Variants in FBXO45 observed in about 807,000 individuals in gnomAD.
FBXO45 encodes the protein F-box/SPRY domain-containing protein 1.
FBXO45 carries 3 observed loss-of-function variants against 25.5 expected under a neutral mutation model. The observed-to-expected ratio is 0.12, with a 90% CI of 0.05 to 0.30. The LOEUF (loss-of-function observed/expected upper bound fraction) is 0.30. Ranked by LOEUF, FBXO45 falls within the 10% of genes least tolerant of loss-of-function variation. FBXO45 has a pLI of 1.00. For synonymous variants in FBXO45, 155 were observed against 149.8 expected, an observed-to-expected ratio of 1.03 and a Z score of -0.25; for missense variants, 219 against 365.0, an observed-to-expected ratio of 0.60 and a Z score of 3.26.
intron 1 of FBXO45, among the ~76,000 whole-genome samples, chr3:196,574,584 G>A (rs931913787): frequency 5.3e-5 from 8 of 152,150 alleles, no homozygotes; most frequent in Non-Finnish European, 1.0e-4. Flanking sequence ...TTATCATCGT[G>A]TTGCTTGACA....
At chr3:196,579,951 A>C (rs927433440) in intron 2 of FBXO45, among the ~76,000 whole-genome samples, 3 of 151,342 alleles carry the variant, frequency 2.0e-5, no homozygotes, top group Non-Finnish European at 2.9e-5. Flanking sequence ...CCTACACAGC[A>C]CATAGTTGGA....
rs937749873 is a variant in FBXO45, at chr3:196,573,950, T to TTG, written c.319-3502_319-3501insGT. 2.7e-5 allele frequency among the ~76,000 whole-genome samples: 4 copies of TTG among 150,328 alleles called. 1 individual carries two copies. Among genetic ancestry groups the TTG allele is most frequent in the African/African-American group, 7.3e-5 (3 of 40,834 alleles). The stretch of plus-strand genomic sequence containing the variant: ...GGTCTTTATTTTCCTTTTTTTTTTT[T>TTG]TTTTTGAGACAGAGTCTTGCTCTGT... On this transcript the variant is annotated intron_variant, in intron 1 of 2. Coordinates refer to ENST00000311630, the MANE Select transcript of FBXO45 (RefSeq NM_001105573.2).
At position 196,584,659 on chromosome 3, in the gene FBXO45, T is replaced by C. The variant is rs1158711313; in HGVS notation, c.*341T>C. 5.8e-6 allele frequency: 1 copy of C among 172,382 alleles called. No homozygotes were observed. Among genetic ancestry groups the C allele is most frequent in the Non-Finnish European group, 1.2e-5 (1 of 82,090 alleles). 10.7% of individuals were successfully genotyped at this position (172,382 alleles called of 1,614,324 possible). A position where few individuals can be genotyped will look rare whatever the true frequency, so the allele number is the denominator to read the frequency against. ...AGGAAATAGCAAGATTTTTAAGTAGTGTGTTTGTGAAGACTGATCCCATTT... is the reference window on the plus strand; with the variant it reads ...AGGAAATAGCAAGATTTTTAAGTAGCGTGTTTGTGAAGACTGATCCCATTT... On this transcript the variant is annotated 3_prime_UTR_variant, in exon 3 of 3. Coordinates refer to ENST00000311630, the MANE Select transcript of FBXO45 (RefSeq NM_001105573.2). This position sits in a 1 kb window ranked among gnomAD's most constrained non-coding sequence, Gnocchi z 4.3.
Position 196,569,270 on chromosome 3 carries a change from A to C in FBXO45, c.286A>C (p.Ile96Leu). ...GGCAGAAGAGGCTCTGCGCACGGACATCCTGTGCAACCTGCCCAGCTACAA... is the reference window on the plus strand; with the variant it reads ...GGCAGAAGAGGCTCTGCGCACGGACCTCCTGTGCAACCTGCCCAGCTACAA... ...SLAEEALRTD[I>L]LCNLPSYKAK... The change falls in exon 1 of 3, where the codon ATC becomes CTC. Residue 96 changes from isoleucine (I) to leucine (L), a missense_variant. This residue lies in a region of FBXO45 where 138 missense variants were observed against 157.3 expected (regional missense o/e 0.88). Coordinates refer to ENST00000311630, the MANE Select transcript of FBXO45 (RefSeq NM_001105573.2). The surrounding 1 kb of genome is among the most constrained non-coding windows in gnomAD (Gnocchi z 4.1). 6.3e-7 allele frequency: 1 copy of C among 1,581,686 alleles called. No homozygotes were observed.
rs1736092039 is a variant in FBXO45 at position 196,585,629 on chromosome 3, T to G, written c.*1311T>G. 6.6e-6 allele frequency: 1 copy of G among 152,224 alleles called. No homozygotes were observed. Among genetic ancestry groups the G allele is most frequent in the Non-Finnish European group, 1.5e-5 (1 of 68,038 alleles). The allele number at this position is 152,224 out of a possible 1,614,324, so 9.4% of individuals were successfully genotyped here. ...TAGAAGAGTTTAACATTAACTCCTA[T>G]TTTGACTTACAAATCTTGTTTCTCA... On this transcript the variant is annotated 3_prime_UTR_variant, in exon 3 of 3. Transcript: ENST00000311630.
chr3:196,580,194 G>C (rs927487177), intron 2 of FBXO45, among the ~76,000 whole-genome samples: 4 of 136,596 alleles, frequency 2.9e-5, no homozygotes, highest in African/African-American at 1.1e-4. Context: ...AGTAGAGAAG[G>C]GGTTTCTTTT....
rs902125950 is a variant in FBXO45, at chr3:196,586,511, G to A, written c.*2193G>A. 5.3e-5 allele frequency: 8 copies of A among 152,138 alleles called. No homozygotes were observed. The highest frequency in any genetic ancestry group is 1.9e-4 in the African/African-American group (8 of 41,414). 9.4% of individuals were successfully genotyped at this position (152,138 alleles called of 1,614,324 possible). On this transcript the variant is annotated 3_prime_UTR_variant, in exon 3 of 3. Coordinates refer to ENST00000311630, the MANE Select transcript of FBXO45 (RefSeq NM_001105573.2). The stretch of plus-strand genomic sequence containing the variant: ...TTGAAGTGAGCAGCATGAGCATCTG[G>A]GTCATGAGGGCCTTCATTTACGTAA...
Position 196,569,501 on chromosome 3 carries a change from C to T in FBXO45, c.318+199C>T, listed in dbSNP as rs1217492815. ...ATCGAAGTTCTGCTCCTTAACCCAT[C>T]CCACTTCCGTGATCCACTTTTCAAA... is the stretch of plus-strand genomic sequence containing the variant. On this transcript the variant is annotated intron_variant, in intron 1 of 2. Coordinates refer to ENST00000311630, the MANE Select transcript of FBXO45 (RefSeq NM_001105573.2). This position sits in a 1 kb window ranked among gnomAD's most constrained non-coding sequence, Gnocchi z 4.1. Among the ~76,000 whole-genome samples the T allele has an allele frequency of 6.6e-6, 1 of 152,204 alleles. No homozygotes were observed. The highest frequency in any genetic ancestry group is 1.9e-4 in the East Asian group (1 of 5,200).
chr3:196,578,046 C>CTTTTTTTTTTTTTTTTTTTTT lies in FBXO45; in HGVS notation c.675+250_675+251insTTTTTTTTTTTTTTTTTTTTT, dbSNP rs775555553. 3.2e-5 allele frequency among the ~76,000 whole-genome samples: 3 copies of CTTTTTTTTTTTTTTTTTTTTT among 94,058 alleles called. 1 individual carries two copies. Among genetic ancestry groups the CTTTTTTTTTTTTTTTTTTTTT allele is most frequent in the African/African-American group, 9.3e-5 (2 of 21,582 alleles). The allele number at this position is 94,058 out of a possible 152,430, so 61.7% of individuals were successfully genotyped here. On this transcript the variant is annotated intron_variant, in intron 2 of 2. Coordinates refer to ENST00000311630, the MANE Select transcript of FBXO45 (RefSeq NM_001105573.2). The stretch of plus-strand genomic sequence containing the variant: ...GATTTTGGCTATGCAGAAAAATATT[C>CTTTTTTTTTTTTTTTTTTTTT]TTTTTTTTTTTTTAGACAGAATCTC...
At chr3:196,582,419 CTG>C (rs1390142544) in intron 2 of FBXO45, among the ~76,000 whole-genome samples, 2 of 152,048 alleles carry the variant, frequency 1.3e-5, no homozygotes, top group Non-Finnish European at 2.9e-5. Context: ...GTGGGTTAAT[CTG>C]TGAGGTGGGC....
chr3:196,572,283 C>T (rs368397036), intron 1 of FBXO45, among the ~76,000 whole-genome samples: 1 of 152,284 alleles, frequency 6.6e-6, no homozygotes, highest in South Asian at 2.1e-4. Flanking sequence ...GATGTCTTGC[C>T]TTATGGAGCT....
chr3:196,578,554 G>A (rs552952821), intron 2 of FBXO45, among the ~76,000 whole-genome samples: 115 of 151,646 alleles, frequency 7.6e-4, no homozygotes, highest in African/African-American at 2.7e-3. Context: ...GATCTATCAC[G>A]AGTTTCAACT....
Position 196,577,660 on chromosome 3 carries a change from A to G in FBXO45, c.526A>G (p.Lys176Glu). ...GTVAVIGIAT[K>E]RAPMQCQGYV... ...TGTGGCAGTGATTGGAATTGCCACA[A>G]AACGGGCCCCCATGCAGTGCCAAGG... is the stretch of plus-strand genomic sequence containing the variant. The change falls in exon 2 of 3, where the codon AAA becomes GAA. Residue 176 changes from lysine to glutamate, a missense_variant. Lys to Glu is a moderately conservative substitution (Grantham distance 56). Coordinates refer to ENST00000311630, the MANE Select transcript of FBXO45 (RefSeq NM_001105573.2). 1 of 1,613,812 alleles carries G rather than the reference A, an allele frequency of 6.2e-7. No individual in the cohort carries two copies. Among genetic ancestry groups the G allele is most frequent in the Non-Finnish European group, 8.5e-7 (1 of 1,179,768 alleles).
chr3:196,581,860 C>T (rs1736017025), intron 2 of FBXO45, among the ~76,000 whole-genome samples: 1 of 152,186 alleles, frequency 6.6e-6, no homozygotes, highest in African/African-American at 2.4e-5. Flanking sequence ...TTTTAGTAGG[C>T]AGTTAACTTG....
intron 1 of FBXO45, among the ~76,000 whole-genome samples, chr3:196,570,158 A>G (rs1016781667): frequency 2.0e-5 from 3 of 152,202 alleles, no homozygotes; most frequent in Non-Finnish European, 2.9e-5. Context: ...GTTAACAGCT[A>G]TTCAGTATAG....
At chr3:196,577,429 T>C (rs1307569786) in intron 1 of FBXO45, 24 bp from the exon 2 acceptor site, 3 of 1,474,930 alleles carry the variant, frequency 2.0e-6, no homozygotes, top group South Asian at 1.4e-5. Flanking sequence ...TGTTATTTAT[T>C]TGGTCTGTTT....
In FBXO45 at chr3:196,576,926, C is replaced by T. The variant is rs1213989930; in HGVS notation, c.319-527C>T. Among the ~76,000 whole-genome samples the T allele has an allele frequency of 2.6e-5, 4 of 152,104 alleles. No homozygotes were observed. The East Asian group carries it at 7.7e-4, about 29-fold the overall frequency. The stretch of plus-strand genomic sequence containing the variant: ...AATTCTTTTTGATGACAGCATTGCC[C>T]ATATGAAAACTGTACATCTCAACTT... On this transcript the variant is annotated intron_variant, in intron 1 of 2. Coordinates refer to ENST00000311630, the MANE Select transcript of FBXO45 (RefSeq NM_001105573.2).
chr3:196,581,472 G>A (rs977118598), intron 2 of FBXO45, among the ~76,000 whole-genome samples: 2 of 151,702 alleles, frequency 1.3e-5, no homozygotes, highest in South Asian at 2.1e-4. Context: ...CTCGTGATCC[G>A]CCCGCCTCGG....
At chr3:196,579,712 A>G (rs1054153592) in intron 2 of FBXO45, among the ~76,000 whole-genome samples, 1 of 152,076 alleles carries the variant, frequency 6.6e-6, no homozygotes, top group Non-Finnish European at 1.5e-5. Flanking sequence ...CTACCCTTCT[A>G]TTATTTACTA....
Sources: allele counts gnomAD v4.1 joint callset (sites outside exome capture counted in the v4.1 genomes callset), GRCh38; gene constraint gnomAD v4.1.1; regional missense constraint gnomAD v4.1.1; non-coding constraint Gnocchi (gnomAD v3.1); transcripts MANE v1.5; gene names NCBI Gene and HGNC (gene_info 2026-07-23, HGNC 2026-07-21).